ROR1: variants seen among roughly 807,000 people sequenced by gnomAD.
ROR1 encodes ROR family WNT receptor 1.
ROR1 carries 19 observed loss-of-function variants against 78.8 expected under a neutral mutation model. The observed-to-expected ratio is 0.24, with a 90% confidence interval of 0.17 to 0.35. The LOEUF (loss-of-function observed/expected upper bound fraction) is 0.35. Among genes scored for constraint, ROR1 ranks in the 10% least tolerant of loss-of-function variants. The pLI is 1.00. For synonymous variants in ROR1, 386 were observed against 433.6 expected (o/e 0.89, Z 1.36); for missense variants, 917 against 1,177.8 (o/e 0.78, Z 3.24).
chr1:64,010,057 A>G (rs1646463738), intron 2 of ROR1, among the ~76,000 whole-genome samples: 3 of 152,076 alleles, frequency 2.0e-5, no homozygotes, highest in Admixed American at 2.0e-4. Context: ...TTCTTCTTAT[A>G]CATCCTGTGC....
At chr1:64,075,916 G>A (rs1647047112) in intron 4 of ROR1, among the ~76,000 whole-genome samples, 1 of 152,164 alleles carries the variant, frequency 6.6e-6, no homozygotes, top group African/African-American at 2.4e-5. Flanking sequence ...ACAAATTGCA[G>A]ATTATGCTGG....
chr1:63,889,963 A>G (rs1201675958), intron 1 of ROR1, among the ~76,000 whole-genome samples: 1 of 152,174 alleles, frequency 6.6e-6, no homozygotes, highest in African/African-American at 2.4e-5. Context: ...TGGTTGGTGT[A>G]TAGATGGTGT....
intron 1 of ROR1, among the ~76,000 whole-genome samples, chr1:63,778,125 G>A (rs1233177890): frequency 6.6e-6 from 1 of 152,170 alleles, no homozygotes; most frequent in Non-Finnish European, 1.5e-5. Context: ...GGGTGTGTCA[G>A]TTTTCCTGAG....
chr1:63,933,901 G>A (rs1465185872), intron 1 of ROR1, among the ~76,000 whole-genome samples: 1 of 152,150 alleles, frequency 6.6e-6, no homozygotes, highest in Admixed American at 6.5e-5. Context: ...TCTGGATGTG[G>A]GGTCAGTACA....
chr1:63,838,290 A>G (rs1465715553), intron 1 of ROR1, among the ~76,000 whole-genome samples: 1 of 151,884 alleles, frequency 6.6e-6, no homozygotes, highest in East Asian at 1.9e-4. Context: ...AGCCTCCTGA[A>G]GGACCTGAAG....
At chr1:64,104,000 G>A (rs1647678917) in intron 4 of ROR1, among the ~76,000 whole-genome samples, 1 of 152,092 alleles carries the variant, frequency 6.6e-6, no homozygotes, top group South Asian at 2.1e-4. Context: ...GGCCAGAGAT[G>A]CTGCTAAATA....
rs752547802 is a variant in ROR1, at chr1:64,049,693, T to C, written c.166T>C (p.Ser56Pro). Residue 56 changes from serine to proline, a missense_variant and splice_region_variant, in exon 3 of 9, where the codon TCT becomes CCT. Transcript: ENST00000371079. The part of the protein sequence containing the change: ...WNISSELNKD[S>P]YLTLDEPMNN... Reference sequence around the variant, plus strand: ...CTGCCTCCTCTCTGTGCTCACAGATTCTTACCTGACCCTCGATGAACCAAT... The same window carrying C: ...CTGCCTCCTCTCTGTGCTCACAGATCCTTACCTGACCCTCGATGAACCAAT... 17 of 1,613,164 alleles carry C rather than the reference T, an allele frequency of 1.1e-5. No individual in the cohort carries two copies. The Admixed American group carries it at 2.7e-4, about 25-fold the overall frequency.
chr1:63,930,740 C>T (rs1259676483), intron 1 of ROR1, among the ~76,000 whole-genome samples: 1 of 152,168 alleles, frequency 6.6e-6, no homozygotes, highest in Non-Finnish European at 1.5e-5. Context: ...TTAATGACTC[C>T]TCAAATGCAG....
intron 4 of ROR1, among the ~76,000 whole-genome samples, chr1:64,072,894 C>T (rs1012841882): frequency 3.9e-5 from 6 of 152,126 alleles, no homozygotes; most frequent in African/African-American, 1.4e-4. Context: ...GTAGCAGAGA[C>T]CTTAGCTGGG....
chr1:64,179,021 C>CA lies in ROR1; in HGVS notation c.*166_*167insA. The CA allele has an allele frequency of 1.6e-5, 3 of 188,622 alleles. No homozygotes were observed. The highest frequency in any genetic ancestry group is 2.9e-4 in the South Asian group (2 of 6,978). 11.7% of individuals were successfully genotyped at this position (188,622 alleles called of 1,614,324 possible). ...CTTACCAAGCAGGACAGACACTCGG[C>CA]CAGAAAAAAAAAAAAAAAAAAAAAA... On this transcript the variant is annotated 3_prime_UTR_variant, in exon 9 of 9. Transcript: ENST00000371079.
At chr1:64,063,341 G>A (rs570535112) in intron 4 of ROR1, among the ~76,000 whole-genome samples, 6 of 152,290 alleles carry the variant, frequency 3.9e-5, no homozygotes, top group South Asian at 2.1e-4. Context: ...TGTATGCCCT[G>A]ACTTTTGATA....
Position 64,179,035 on chromosome 1 carries a change from A to C in ROR1, c.*180A>C, listed in dbSNP as rs1407803171. 1.3e-5 allele frequency: 7 copies of C among 543,424 alleles called. No homozygotes were observed. Among genetic ancestry groups the C allele is most frequent in the East Asian group, 1.2e-4 (4 of 32,288 alleles). 33.7% of individuals were successfully genotyped at this position (543,424 alleles called of 1,614,324 possible). A position where few individuals can be genotyped will look rare whatever the true frequency, so the allele number is the denominator to read the frequency against. ...CAGACACTCGGCCAGAAAAAAAAAA[A>C]AAAAAAAAAAACAAGCAAACAAAAA... On this transcript the variant is annotated 3_prime_UTR_variant, in exon 9 of 9. Transcript: ENST00000371079.
At chr1:63,815,236 C>T (rs1011926626) in intron 1 of ROR1, among the ~76,000 whole-genome samples, 13 of 152,010 alleles carry the variant, frequency 8.6e-5, no homozygotes, top group Non-Finnish European at 1.3e-4. Context: ...TGAGAGTCTC[C>T]GAGCAATGAA....
At chr1:63,824,840 A>T (rs988740190) in intron 1 of ROR1, among the ~76,000 whole-genome samples, 1 of 152,142 alleles carries the variant, frequency 6.6e-6, no homozygotes, top group Non-Finnish European at 1.5e-5. Context: ...TTCAGTCTTC[A>T]TGTATATATA....
At chr1:64,151,454 T>G (rs1220996804) in intron 7 of ROR1, among the ~76,000 whole-genome samples, 1 of 152,236 alleles carries the variant, frequency 6.6e-6, no homozygotes, top group Admixed American at 6.5e-5. Context: ...CAGTAGAGGT[T>G]GGCCTCAGCA....
chr1:63,995,118 C>G (rs1429507589), intron 1 of ROR1, among the ~76,000 whole-genome samples: 2 of 152,192 alleles, frequency 1.3e-5, no homozygotes, highest in African/African-American at 4.8e-5. Context: ...TGACACCCGG[C>G]AACCAAGTCA....
intron 1 of ROR1, among the ~76,000 whole-genome samples, chr1:63,953,408 A>G (rs1322817447): frequency 6.6e-6 from 1 of 152,228 alleles, no homozygotes; most frequent in Non-Finnish European, 1.5e-5. Flanking sequence ...TATGACAACA[A>G]TAATAACTAG....
intron 1 of ROR1, among the ~76,000 whole-genome samples, chr1:63,989,423 G>C (rs758698083): frequency 7.9e-5 from 12 of 151,872 alleles, no homozygotes. Flanking sequence ...ATTTGCTCTC[G>C]TTTTTTTCGT....
At chr1:64,044,281 T>C (rs1646767254) in intron 2 of ROR1, among the ~76,000 whole-genome samples, 1 of 152,172 alleles carries the variant, frequency 6.6e-6, no homozygotes, top group Non-Finnish European at 1.5e-5. Flanking sequence ...GCGCTGGGCT[T>C]GGTGTCCAAA....
Sources: gnomAD v4.1 joint callset for allele counts (sites outside exome capture counted in the v4.1 genomes callset) on GRCh38, gnomAD v4.1.1 for gene constraint, MANE v1.5 for transcripts, NCBI Gene and HGNC (gene_info 2026-07-23, HGNC 2026-07-21) for gene names.